PCDH15: variants seen among roughly 807,000 people sequenced by gnomAD.
PCDH15 encodes protocadherin related 15.
A neutral mutation model predicts 178.5 loss-of-function variants in PCDH15; 129 were observed. The ratio of observed to expected loss-of-function variants is 0.72; its 90% CI spans 0.63 to 0.84. The LOEUF (loss-of-function observed/expected upper bound fraction) is 0.84. Among genes scored for constraint, PCDH15 ranks in the 40% least tolerant of loss-of-function variants. The pLI, the probability that PCDH15 is intolerant of heterozygous loss-of-function variation, is 0.00. For missense variants in PCDH15, 2,230 were observed against 2,099.9 expected, an observed-to-expected ratio of 1.06 and a Z score of -1.21; for synonymous variants, 800 against 732.0, an observed-to-expected ratio of 1.09 and a Z score of -1.50.
intron 26 of PCDH15, among the ~76,000 whole-genome samples, chr10:53,869,643 C>T (rs952850689): frequency 5.9e-5 from 9 of 152,016 alleles, no homozygotes; most frequent in African/African-American, 2.2e-4. Context: ...CCAGCATTTA[C>T]ATCAAGAAAC....
chr10:54,608,620 A>G (rs2092851557), intron 2 of PCDH15, among the ~76,000 whole-genome samples: 1 of 152,060 alleles, frequency 6.6e-6, no homozygotes, highest in Admixed American at 6.6e-5. Context: ...AAAATAAAAA[A>G]TACAAAAAGG....
intron 15 of PCDH15, among the ~76,000 whole-genome samples, chr10:54,104,353 C>T (rs945346255): frequency 6.6e-6 from 1 of 152,146 alleles, no homozygotes; most frequent in Non-Finnish European, 1.5e-5. Flanking sequence ...AATCAATGCC[C>T]TCACTTTAAC....
intron 1 of PCDH15, among the ~76,000 whole-genome samples, chr10:55,244,456 TG>T (rs1350078560): frequency 2.0e-5 from 3 of 152,052 alleles, no homozygotes; most frequent in African/African-American, 4.8e-5. Context: ...TGGACAAACA[TG>T]AAAATTCCTA....
intron 2 of PCDH15, among the ~76,000 whole-genome samples, chr10:54,947,264 T>C (rs577554310): frequency 1.1e-3 from 172 of 152,060 alleles, no homozygotes; most frequent in Non-Finnish European, 1.9e-3. Context: ...TTTAGAAGCC[T>C]AGAAATTTTG....
chr10:54,847,406 A>G (rs1953535398), intron 3 of PCDH15, among the ~76,000 whole-genome samples: 1 of 152,120 alleles, frequency 6.6e-6, no homozygotes, highest in African/African-American at 2.4e-5. Context: ...GTACAATTAT[A>G]TTGTTCTTTT....
intron 2 of PCDH15, among the ~76,000 whole-genome samples, chr10:55,133,314 G>T (rs1367962044): frequency 6.6e-6 from 1 of 151,730 alleles, no homozygotes; most frequent in Non-Finnish European, 1.5e-5. Context: ...AGTGACTTTT[G>T]ACATAGCCAA....
intron 2 of PCDH15, among the ~76,000 whole-genome samples, chr10:55,622,038 A>AAT (rs989218709): frequency 4.3e-5 from 6 of 139,942 alleles, no homozygotes; most frequent in Admixed American, 7.5e-5. Context: ...ATGTATATAT[A>AAT]ATATATATAT....
intron 3 of PCDH15, among the ~76,000 whole-genome samples, chr10:54,491,591 A>C (rs2079599755): frequency 6.6e-6 from 1 of 152,144 alleles, no homozygotes; most frequent in Admixed American, 6.6e-5. Context: ...CTAGGGAAGA[A>C]ATAAAGAAAG....
chr10:55,268,973 G>A (rs1240679431), intron 1 of PCDH15, among the ~76,000 whole-genome samples: 3 of 152,064 alleles, frequency 2.0e-5, no homozygotes, highest in Admixed American at 1.3e-4. Context: ...TCCAAGGCTG[G>A]TCCAACATAT....
chr10:55,183,018 C>G (rs1481154574), intron 1 of PCDH15, among the ~76,000 whole-genome samples: 1 of 151,930 alleles, frequency 6.6e-6, no homozygotes, highest in Non-Finnish European at 1.5e-5. Context: ...TGGACTCCTT[C>G]CTTATGGCTT....
At chr10:54,384,205 G>A (rs1165723336) in intron 3 of PCDH15, among the ~76,000 whole-genome samples, 3 of 151,950 alleles carry the variant, frequency 2.0e-5, no homozygotes, top group Non-Finnish European at 2.9e-5. Context: ...CCTGCTTGAT[G>A]AAAAAGCTCA....
Position 55,300,859 on chromosome 10 carries a change from C to A in PCDH15, c.-156+18740G>T, listed in dbSNP as rs149501646. Among the ~76,000 whole-genome samples the A allele has an allele frequency of 1.7e-3, 260 of 152,260 alleles. 1 individual carries two copies. Among genetic ancestry groups the A allele is most frequent in the African/African-American group, 5.9e-3 (247 of 41,546 alleles). ...AGTTTGGACCGAAGACAACATATTG[C>A]ACAATTTTAGAACAATATTACAACC... On this transcript the variant is annotated intron_variant, in intron 1 of 5. Coordinates refer to the PCDH15 transcript ENST00000458638.
intron 2 of PCDH15, among the ~76,000 whole-genome samples, chr10:54,961,277 C>T (rs569669715): frequency 6.6e-6 from 1 of 152,318 alleles, no homozygotes; most frequent in South Asian, 2.1e-4. Context: ...GCCACCATGG[C>T]ACCCTCCAGA....
chr10:55,371,387 G>A (rs921166611), intron 2 of PCDH15, among the ~76,000 whole-genome samples: 2 of 152,038 alleles, frequency 1.3e-5, no homozygotes, highest in African/African-American at 4.8e-5. Flanking sequence ...TGATTCTGAA[G>A]GATGCTAAAA....
At chr10:54,461,824 C>A (rs1012226459) in intron 3 of PCDH15, among the ~76,000 whole-genome samples, 2 of 151,892 alleles carry the variant, frequency 1.3e-5, no homozygotes, top group Admixed American at 1.3e-4. Flanking sequence ...TTGACAAATT[C>A]TTATGGTAAT....
At chr10:54,417,864 A>C (rs574742587) in intron 3 of PCDH15, among the ~76,000 whole-genome samples, 9 of 152,160 alleles carry the variant, frequency 5.9e-5, no homozygotes, top group Non-Finnish European at 1.3e-4. Context: ...TTTCTCCATA[A>C]ATAGAGTGGT....
chr10:54,238,849 A>C (rs1358721134), intron 8 of PCDH15, among the ~76,000 whole-genome samples: 3 of 152,062 alleles, frequency 2.0e-5, no homozygotes, highest in Admixed American at 6.6e-5. Flanking sequence ...TAGTAATTTC[A>C]CTGAGGAATC....
chr10:55,506,369 A>G (rs571232330), intron 2 of PCDH15: 1 of 151,640 alleles, frequency 6.6e-6, no homozygotes, highest in Admixed American at 6.6e-5. Flanking sequence ...TCAGAATGTA[A>G]TAACATAATG....
intron 2 of PCDH15, among the ~76,000 whole-genome samples, chr10:55,329,349 T>C (rs1350486242): frequency 6.6e-6 from 1 of 151,696 alleles, no homozygotes; most frequent in Non-Finnish European, 1.5e-5. Flanking sequence ...ATATGTATTC[T>C]TGTGTTTAAA....
Sources: allele counts gnomAD v4.1 joint callset (sites outside exome capture counted in the v4.1 genomes callset), GRCh38; gene constraint gnomAD v4.1.1; transcripts MANE v1.5; gene names NCBI Gene and HGNC (gene_info 2026-07-23, HGNC 2026-07-21).